The following FMNL2 variants were observed in gnomAD, a reference collection of about 807,000 sequenced individuals.
FMNL2 encodes formin-like protein 2.
Under a neutral mutation model 130.2 loss-of-function variants are expected in FMNL2, and 51 were observed. The ratio of observed to expected loss-of-function variants is 0.39; its 90% CI spans 0.31 to 0.49. The LOEUF is 0.49. Among genes scored for constraint, FMNL2 ranks in the 20% least tolerant of loss-of-function variants. The pLI is 0.85. For synonymous variants in FMNL2, 465 were observed against 467.1 expected (o/e 1.00, Z 0.06); for missense variants, 977 against 1,316.2 (o/e 0.74, Z 3.99).
chr2:152,366,135 T>A (rs1332821489), intron 1 of FMNL2, among the ~76,000 whole-genome samples: 1 of 152,008 alleles, frequency 6.6e-6, no homozygotes, highest in Non-Finnish European at 1.5e-5. Context: ...AGATTACTGG[T>A]GCAGCCGACA....
At position 152,605,380 on chromosome 2, in the gene FMNL2, A is replaced by C. The variant is rs529586331; in HGVS notation, c.877-1959A>C. Among the ~76,000 whole-genome samples the C allele has an allele frequency of 8.5e-5, 13 of 152,080 alleles. No individual in the cohort carries two copies. The East Asian group carries it at 1.9e-3, about 23-fold the overall frequency. On this transcript the variant is annotated intron_variant, in intron 9 of 25. Coordinates refer to ENST00000288670, the MANE Select transcript of FMNL2 (RefSeq NM_052905.4). ...TCTGTTGCCCAGGCTGGTGTATGGC[A>C]TGATCATGGCTCACTGCAGCCTCGA... is the stretch of plus-strand genomic sequence containing the variant.
chr2:152,590,453 A>T (rs975056097), intron 9 of FMNL2, among the ~76,000 whole-genome samples: 4 of 152,096 alleles, frequency 2.6e-5, no homozygotes, highest in Non-Finnish European at 5.9e-5. Context: ...CCCTGTCTCT[A>T]CTAAAAATAC....
At chr2:152,424,545 C>T (rs1486053859) in intron 1 of FMNL2, among the ~76,000 whole-genome samples, 1 of 152,132 alleles carries the variant, frequency 6.6e-6, no homozygotes, top group African/African-American at 2.4e-5. Flanking sequence ...CGTGCGCCAC[C>T]ATGCGCGGCT....
intron 15 of FMNL2, among the ~76,000 whole-genome samples, chr2:152,620,326 C>T (rs528556585): frequency 7.4e-4 from 112 of 152,142 alleles, no homozygotes; most frequent in African/African-American, 2.6e-3. Flanking sequence ...GTCCTCTTGC[C>T]AACCAGAAGA....
chr2:152,632,239 G>T, intron 21 of FMNL2, 102 bp downstream of exon 21: 1 of 1,480,870 alleles, frequency 6.8e-7, no homozygotes, highest in Non-Finnish European at 9.0e-7. Context: ...CATTTAAAAA[G>T]CCAAGGCTAA....
intron 1 of FMNL2, among the ~76,000 whole-genome samples, chr2:152,346,999 G>A (rs1579442186): frequency 6.6e-6 from 1 of 151,996 alleles, no homozygotes; most frequent in Non-Finnish European, 1.5e-5. Context: ...GCTGAGGCAG[G>A]AGAATCGCTT....
intron 1 of FMNL2, among the ~76,000 whole-genome samples, chr2:152,458,976 C>G (rs1414496298): frequency 6.6e-6 from 1 of 152,148 alleles, no homozygotes; most frequent in Non-Finnish European, 1.5e-5. Flanking sequence ...TGTGAAAATT[C>G]AAAGGTGTAC....
In FMNL2 at chr2:152,568,218, G is replaced by GTTTTTTTTTTTTTTTTTTT. The variant is rs1177965681; in HGVS notation, c.597-6903_597-6902insTTTTTTTTTTTTTTTTTTT. Among the ~76,000 whole-genome samples, 75 of 34,834 alleles carry GTTTTTTTTTTTTTTTTTTT rather than the reference G, an allele frequency of 2.2e-3. 3 individuals are homozygous for GTTTTTTTTTTTTTTTTTTT. Among genetic ancestry groups the GTTTTTTTTTTTTTTTTTTT allele is most frequent in the African/African-American group, 5.3e-3 (63 of 11,878 alleles). 22.9% of individuals were successfully genotyped at this position (34,834 alleles called of 152,430 possible). A position where few individuals can be genotyped will look rare whatever the true frequency, so the allele number is the denominator to read the frequency against. On this transcript the variant is annotated intron_variant, in intron 6 of 25. Coordinates refer to ENST00000288670, the MANE Select transcript of FMNL2 (RefSeq NM_052905.4). Reference sequence around the variant, plus strand: ...TGAGCAACGGCTTCCATTTTGGTGGGTTTTTTTTTTTTTTTGAGACGGAGT... The same window carrying GTTTTTTTTTTTTTTTTTTT: ...TGAGCAACGGCTTCCATTTTGGTGGGTTTTTTTTTTTTTTTTTTTTTTTTTTTTTTTTTTGAGACGGAGT...
chr2:152,417,363 C>T lies in FMNL2; in HGVS notation c.117+81643C>T, dbSNP rs565144660. On this transcript the variant is annotated intron_variant, in intron 1 of 25. Transcript: ENST00000288670. ...AGCAGAAGTCTTCATTGAATGACAT[C>T]GATGTGGAGAGAAAATTCCTTGGCT... Among the ~76,000 whole-genome samples, 7 of 152,240 alleles carry T rather than the reference C, an allele frequency of 4.6e-5. No homozygotes were observed. The South Asian group carries it at 1.5e-3, about 32-fold the overall frequency.
rs573623081 is a variant in FMNL2, at chr2:152,649,092, T to C, written c.*1187T>C. ...TTCTGCTTCTGGCTTATCTTCTTGGTACATCAATATATTAATTGTAAAGTT... is the reference window on the plus strand; with the variant it reads ...TTCTGCTTCTGGCTTATCTTCTTGGCACATCAATATATTAATTGTAAAGTT... On this transcript the variant is annotated 3_prime_UTR_variant, in exon 26 of 26. Transcript: ENST00000288670. 7 of 152,756 alleles carry C rather than the reference T, an allele frequency of 4.6e-5. No individual in the cohort carries two copies. The East Asian group carries it at 1.2e-3, about 25-fold the overall frequency. 9.5% of individuals were successfully genotyped at this position (152,756 alleles called of 1,614,324 possible). A position where few individuals can be genotyped will look rare whatever the true frequency, so the allele number is the denominator to read the frequency against.
chr2:152,615,090 G>A (rs1698879492), intron 12 of FMNL2, 90 bp downstream of exon 12: 8 of 1,451,092 alleles, frequency 5.5e-6, no homozygotes, highest in Non-Finnish European at 6.6e-6. Context: ...GTAAATTTAA[G>A]GATTTGGAGT....
intron 12 of FMNL2, among the ~76,000 whole-genome samples, chr2:152,615,306 G>A (rs1179362350): frequency 6.6e-6 from 1 of 152,092 alleles, no homozygotes; most frequent in Non-Finnish European, 1.5e-5. Flanking sequence ...TTGGCATTAC[G>A]TAAATGATTA....
Position 152,617,114 on chromosome 2 carries a change from A to G in FMNL2, c.1236A>G (p.Thr412=), listed in dbSNP as rs1408322004. Residue 412 remains threonine (T), a synonymous_variant, in exon 13 of 26, where the codon ACA becomes ACG. Transcript: ENST00000288670. Reference sequence around the variant, plus strand: ...AGTTATCTGAAAAACTGCAAGACACAGAGAATGAAGCCATGTCCAAGATTG... The same window carrying G: ...AGTTATCTGAAAAACTGCAAGACACGGAGAATGAAGCCATGTCCAAGATTG... ...ISHLSEKLQD[T]ENEAMSKIVE... 2 of 1,613,992 alleles carry G rather than the reference A, an allele frequency of 1.2e-6. No individual in the cohort carries two copies. Among genetic ancestry groups the G allele is most frequent in the Admixed American group, 3.3e-5 (2 of 60,008 alleles).
rs1681331249 is a variant in FMNL2 at position 152,335,351 on chromosome 2, C to G, written c.-253C>G. On this transcript the variant is annotated 5_prime_UTR_variant, in exon 1 of 26. Transcript: ENST00000288670. ...CCATGCACATAGGCGCCCAGCGCCC[C>G]AACTACCCCTCCCGAGGAAAAGAGG... 8.6e-6 allele frequency: 2 copies of G among 231,722 alleles called. No homozygotes were observed. Among genetic ancestry groups the G allele is most frequent in the African/African-American group, 4.6e-5 (2 of 43,542 alleles). 14.4% of individuals were successfully genotyped at this position (231,722 alleles called of 1,614,324 possible).
chr2:152,389,874 A>G lies in FMNL2; in HGVS notation c.117+54154A>G, dbSNP rs575771604. 6.8e-6 allele frequency: 7 copies of G among 1,028,026 alleles called. No individual in the cohort carries two copies. In the South Asian group the frequency reaches 8.0e-5, roughly 12 times the overall value. The allele number at this position is 1,028,026 out of a possible 1,614,324, so 63.7% of individuals were successfully genotyped here. ...CTTTCAGCCACGACAATCAGCTGGC[A>G]CAGAAGGCCCGGTGGGAGAAGAGAA... On this transcript the variant is annotated intron_variant, in intron 1 of 25. Transcript: ENST00000288670.
chr2:152,459,659 A>G (rs1340774884), intron 1 of FMNL2, among the ~76,000 whole-genome samples: 1 of 152,204 alleles, frequency 6.6e-6, no homozygotes, highest in Non-Finnish European at 1.5e-5. Context: ...AGTTCCTATT[A>G]TAATAGGGTT....
chr2:152,517,140 A>C (rs1692817502), intron 1 of FMNL2, among the ~76,000 whole-genome samples: 1 of 151,822 alleles, frequency 6.6e-6, no homozygotes. Flanking sequence ...TTTTCTTTTC[A>C]GGAAAATATT....
At chr2:152,409,184 G>A (rs150368268) in intron 1 of FMNL2, among the ~76,000 whole-genome samples, 35 of 152,162 alleles carry the variant, frequency 2.3e-4, no homozygotes, top group Non-Finnish European at 4.9e-4. Flanking sequence ...AAGAAATAAA[G>A]ACAGTATAAT....
intron 9 of FMNL2, among the ~76,000 whole-genome samples, chr2:152,598,625 G>T (rs1025327424): frequency 7.9e-5 from 12 of 152,186 alleles, no homozygotes; most frequent in Non-Finnish European, 1.3e-4. Flanking sequence ...GGGAGGTAGA[G>T]ATTGCAATGA....
Sources: allele counts gnomAD v4.1 joint callset (sites outside exome capture counted in the v4.1 genomes callset), GRCh38; gene constraint gnomAD v4.1.1; transcripts MANE v1.5; gene names NCBI Gene and HGNC (gene_info 2026-07-23, HGNC 2026-07-21).